The following RDX variants were observed in gnomAD, a reference collection of about 807,000 sequenced individuals.
The protein encoded by RDX is radixin.
A neutral mutation model predicts 83.7 loss-of-function variants in RDX; 32 were observed. The ratio of observed to expected loss-of-function variants is 0.38; its 90% CI spans 0.29 to 0.51. RDX has a LOEUF of 0.51. RDX is among the 20% of genes least tolerant of loss of function. RDX has a pLI of 0.87. For synonymous variants in RDX, 229 were observed against 222.7 expected, an observed-to-expected ratio of 1.03 and a Z score of -0.25; for missense variants, 600 against 689.9, an observed-to-expected ratio of 0.87 and a Z score of 1.46.
chr11:110,233,151 C>G (rs1864705964), intron 13 of RDX, 86 bp downstream of exon 13: 2 of 1,537,686 alleles, frequency 1.3e-6, no homozygotes, highest in Admixed American at 1.7e-5. Context: ...ATTAAAACTT[C>G]TATATTCTTT....
intron 14 of RDX, among the ~76,000 whole-genome samples, chr11:110,213,076 T>A (rs531876318): frequency 5.9e-5 from 9 of 151,570 alleles, no homozygotes; most frequent in South Asian, 2.1e-4. Flanking sequence ...TGATTGTATA[T>A]CTAGAAAACC....
At chr11:110,293,074 G>T (rs1257110618) in intron 1 of RDX, among the ~76,000 whole-genome samples, 1 of 152,162 alleles carries the variant, frequency 6.6e-6, no homozygotes. Flanking sequence ...TTATTCAAAT[G>T]ATGAAAACAT....
intron 14 of RDX, among the ~76,000 whole-genome samples, chr11:110,209,416 G>A (rs1317251383): frequency 1.3e-5 from 2 of 151,852 alleles, no homozygotes; most frequent in Admixed American, 6.5e-5. Context: ...TGGGGGAGGG[G>A]CGCCCGCCAT....
chr11:110,186,611 G>A (rs1256744344), intron 15 of RDX, among the ~76,000 whole-genome samples: 3 of 151,912 alleles, frequency 2.0e-5, no homozygotes, highest in Non-Finnish European at 4.4e-5. Flanking sequence ...CCCCCATGAT[G>A]GCACCCAGCC....
chr11:110,231,563 A>G lies in RDX; in HGVS notation c.*306T>C. ...CACAGAACTGAAACCACACATACAC[A>G]TTTGTCAGACGTGATAATTAGTGTT... On this transcript the variant is annotated 3_prime_UTR_variant, in exon 14 of 14. Coordinates refer to ENST00000645495, the MANE Select transcript of RDX (RefSeq NM_002906.4). 1 of 389,216 alleles carries G rather than the reference A, an allele frequency of 2.6e-6. No individual in the cohort carries two copies. Among genetic ancestry groups the G allele is most frequent in the African/African-American group, 2.0e-5 (1 of 49,038 alleles). The allele number at this position is 389,216 out of a possible 1,614,324, so 24.1% of individuals were successfully genotyped here.
intron 1 of RDX, among the ~76,000 whole-genome samples, chr11:110,295,696 T>C (rs567975724): frequency 7.6e-5 from 11 of 144,716 alleles, no homozygotes; most frequent in African/African-American, 2.3e-4. Flanking sequence ...AGTCCGGGAA[T>C]TGAGTTTAGA....
At chr11:110,271,068 A>C (rs1860290115) in intron 3 of RDX, among the ~76,000 whole-genome samples, 1 of 152,216 alleles carries the variant, frequency 6.6e-6, no homozygotes, top group Non-Finnish European at 1.5e-5. Flanking sequence ...TGGTGAACTT[A>C]GCTCTTTATG....
At chr11:110,241,018 T>A (rs1329336038) in intron 10 of RDX, among the ~76,000 whole-genome samples, 2 of 115,264 alleles carry the variant, frequency 1.7e-5, no homozygotes, top group South Asian at 6.8e-4. Context: ...ATCACACCAC[T>A]GCACTCCAGC....
intron 14 of RDX, among the ~76,000 whole-genome samples, chr11:110,203,924 C>A (rs576066781): frequency 2.6e-5 from 4 of 152,154 alleles, no homozygotes; most frequent in Admixed American, 1.3e-4. Flanking sequence ...TGCCTATAGT[C>A]CCAGCTATTC....
At chr11:110,277,733 G>A (rs1860578477) in intron 2 of RDX, among the ~76,000 whole-genome samples, 1 of 151,140 alleles carries the variant, frequency 6.6e-6, no homozygotes, top group Non-Finnish European at 1.5e-5. Context: ...ACTTTATATG[G>A]CAATTATTTT....
At chr11:110,263,243 C>T (rs1859873162) in intron 5 of RDX, 1 of 151,500 alleles carries the variant, frequency 6.6e-6, no homozygotes, top group Admixed American at 6.6e-5. Flanking sequence ...TGCACCACTG[C>T]ACTCCAGCCT....
chr11:110,277,317 T>C (rs1356870754), intron 2 of RDX, among the ~76,000 whole-genome samples: 1 of 152,144 alleles, frequency 6.6e-6, no homozygotes, highest in East Asian at 1.9e-4. Flanking sequence ...TTTTTTGTTG[T>C]TATTTTTTGT....
At chr11:110,259,427 C>T (rs1859708253) in intron 5 of RDX, among the ~76,000 whole-genome samples, 1 of 152,178 alleles carries the variant, frequency 6.6e-6, no homozygotes, top group Admixed American at 6.5e-5. Context: ...TAAAATATTA[C>T]TGTTTTACTA....
At chr11:110,219,626 C>T (rs1864177513) in intron 14 of RDX, among the ~76,000 whole-genome samples, 1 of 152,014 alleles carries the variant, frequency 6.6e-6, no homozygotes, top group African/African-American at 2.4e-5. Context: ...TATGATTGGA[C>T]TGGATGGAGA....
At chr11:110,211,621 T>C (rs1863841529) in intron 14 of RDX, among the ~76,000 whole-genome samples, 1 of 146,728 alleles carries the variant, frequency 6.8e-6, no homozygotes, top group African/African-American at 2.5e-5. Flanking sequence ...GAACAGAAAT[T>C]ATAACAAACT....
intron 14 of RDX, among the ~76,000 whole-genome samples, chr11:110,221,695 A>G (rs182389293): frequency 1.3e-5 from 2 of 152,134 alleles, no homozygotes; most frequent in Admixed American, 6.5e-5. Context: ...CCTAAGCTCT[A>G]AAATCAAAGA....
chr11:110,187,208 C>A (rs1453563777), intron 15 of RDX, among the ~76,000 whole-genome samples: 1 of 152,206 alleles, frequency 6.6e-6, no homozygotes, highest in African/African-American at 2.4e-5. Context: ...CAGCTGCTCA[C>A]CTGAACTAAC....
intron 10 of RDX, among the ~76,000 whole-genome samples, chr11:110,239,278 G>A (rs1864987257): frequency 6.6e-6 from 1 of 150,660 alleles, no homozygotes; most frequent in Non-Finnish European, 1.5e-5. Context: ...GAAGGACATT[G>A]GTCTAGGCAA....
chr11:110,255,125 T>C (rs1364213004), intron 8 of RDX, among the ~76,000 whole-genome samples, 164 bp downstream of exon 8: 2 of 152,172 alleles, frequency 1.3e-5, no homozygotes, highest in African/African-American at 4.8e-5. Flanking sequence ...AATCTTTGGA[T>C]TTTTATTAAC....
Sources: gnomAD v4.1 joint callset for allele counts (sites outside exome capture counted in the v4.1 genomes callset) on GRCh38, gnomAD v4.1.1 for gene constraint, MANE v1.5 for transcripts, NCBI Gene and HGNC (gene_info 2026-07-23, HGNC 2026-07-21) for gene names.